Variants in PLCD1 observed in about 807,000 individuals in gnomAD.
PLCD1 encodes the protein phospholipase C delta 1, also known as 1-phosphatidylinositol 4,5-bisphosphate phosphodiesterase delta-1.
A neutral mutation model predicts 87.4 loss-of-function variants in PLCD1; 71 were observed. The ratio of observed to expected loss-of-function variants is 0.81; its 90% CI spans 0.67 to 0.99. PLCD1 has a LOEUF of 0.99. Among genes scored for constraint, PLCD1 ranks in the 50% least tolerant of loss-of-function variants. The pLI is 0.00. For synonymous variants in PLCD1, 348 were observed against 399.2 expected, an observed-to-expected ratio of 0.87 and a Z score of 1.53; for missense variants, 867 against 1,001.5, an observed-to-expected ratio of 0.87 and a Z score of 1.81.
In PLCD1 at chr3:38,024,532, C is replaced by CG. The variant is rs578095448; in HGVS notation, c.35-4181dup. ...ACACCCTCTGCTCTGGTCCGGGGGG[C>CG]GGAACTGTCGCCCTTGGAGGGGAGC... On this transcript the variant is annotated intron_variant, in intron 1 of 14. Coordinates refer to ENST00000334661, the MANE Select transcript of PLCD1 (RefSeq NM_006225.4). 13 of 1,515,106 alleles carry CG rather than the reference C, an allele frequency of 8.6e-6. No homozygotes were observed. In the South Asian group the frequency reaches 1.6e-4, roughly 18 times the overall value. The allele number at this position is 1,515,106 out of a possible 1,614,324, so 93.9% of individuals were successfully genotyped here.
chr3:38,010,466 T>C lies in PLCD1; in HGVS notation c.887A>G (p.Gln296Arg). The stretch of plus-strand genomic sequence containing the variant: ...GTGGCTAAGTGGCTGGCCCATGTCC[T>C]GGTAGACACGGCGGTGTGCCAGGCT... ...AFSLAHRRVY[Q>R]DMGQPLSHYL... Residue 296 changes from glutamine to arginine, a missense_variant, in exon 6 of 15, where the codon CAG (glutamine) becomes CGG (arginine). Physicochemically the swap from Gln to Arg is conservative, Grantham distance 43. Coordinates refer to ENST00000334661, the MANE Select transcript of PLCD1 (RefSeq NM_006225.4). The C allele has an allele frequency of 6.2e-7, 1 of 1,614,150 alleles. No individual in the cohort carries two copies. Among genetic ancestry groups the C allele is most frequent in the Non-Finnish European group, 8.5e-7 (1 of 1,179,986 alleles).
chr3:38,013,387 T>A (rs1029850979), intron 3 of PLCD1, among the ~76,000 whole-genome samples: 17 of 151,678 alleles, frequency 1.1e-4, no homozygotes, highest in African/African-American at 4.1e-4. Context: ...TAATTTTTTG[T>A]ATTTTTTAGT....
At chr3:38,008,986 C>T (rs144369730) in intron 11 of PLCD1, 56 bp downstream of exon 11, 19 of 1,431,432 alleles carry the variant, frequency 1.3e-5, no homozygotes, top group Non-Finnish European at 1.8e-5. Flanking sequence ...TCCAGGCCCC[C>T]GGCCTTGGGA....
rs1385620099 is a variant in PLCD1, at chr3:38,029,496, A to C, written c.34+10T>G. On this transcript the variant is annotated intron_variant, in intron 1 of 14. Coordinates refer to ENST00000334661, the MANE Select transcript of PLCD1 (RefSeq NM_006225.4). ...GCAGGGTCTCCCGCTCGCGCGGGCC[A>C]GGCACTCACCGTGCAGGGTCAGGAA... The C allele has an allele frequency of 1.3e-6, 2 of 1,539,044 alleles. No homozygotes were observed. The highest frequency in any genetic ancestry group is 1.7e-6 in the Non-Finnish European group (2 of 1,146,022).
rs1323118305 is a variant in PLCD1 at position 38,017,177 on chromosome 3, G to C, written c.200-458C>G. Among the ~76,000 whole-genome samples the C allele has an allele frequency of 3.3e-5, 5 of 152,096 alleles. No individual in the cohort carries two copies. Among genetic ancestry groups the C allele is most frequent in the Admixed American group, 3.3e-4 (5 of 15,278 alleles). On this transcript the variant is annotated intron_variant, in intron 2 of 14. Coordinates refer to ENST00000334661, the MANE Select transcript of PLCD1 (RefSeq NM_006225.4). This position sits in a 1 kb window ranked among gnomAD's most constrained non-coding sequence, Gnocchi z 4.7. The stretch of plus-strand genomic sequence containing the variant: ...AGAAGGGCCATGCACCCTTCTGACT[G>C]TATTGGACTTTGGGTCTGTCCTGAC...
At chr3:38,022,160 C>T (rs1700245478) in intron 1 of PLCD1, among the ~76,000 whole-genome samples, 1 of 152,232 alleles carries the variant, frequency 6.6e-6, no homozygotes, top group East Asian at 1.9e-4. Flanking sequence ...CCTTCCTCCA[C>T]CTTTCTCCCA....
Position 38,010,415 on chromosome 3 carries a change from GTGT to G in PLCD1, c.935_937del (p.Asn312del). ...GGCTAGCTGGTCCTCCAGCAGGTAGGTGTTGTGTGAAGAGGACACCAGGTAGTG... is the reference window on the plus strand; with the variant it reads ...GGCTAGCTGGTCCTCCAGCAGGTAGGTGTGTGAAGAGGACACCAGGTAGTG... On this transcript the variant is annotated inframe_deletion, in exon 6 of 15. Coordinates refer to ENST00000334661, the MANE Select transcript of PLCD1 (RefSeq NM_006225.4). 1 of 1,614,232 alleles carries G rather than the reference GTGT, an allele frequency of 6.2e-7. No individual in the cohort carries two copies. The highest frequency in any genetic ancestry group is 8.5e-7 in the Non-Finnish European group (1 of 1,180,036).
chr3:38,016,419 C>T (rs1700154770), intron 3 of PLCD1, 72 bp downstream of exon 3: 47 of 1,010,576 alleles, frequency 4.7e-5, no homozygotes, highest in Non-Finnish European at 7.1e-5. Context: ...CTTCCATACC[C>T]AAGTTGCCCT....
In PLCD1 at chr3:38,017,713, G is replaced by A. The variant is rs1013030021; in HGVS notation, c.200-994C>T. On this transcript the variant is annotated intron_variant, in intron 2 of 14. Transcript: ENST00000334661. The surrounding 1 kb of genome is among the most constrained non-coding windows in gnomAD (Gnocchi z 4.7). ...CATCCATCTGTCCTGGCTCCTAGACGGTTCTAGCTGAAGTCCACCTGTCCC... is the reference window on the plus strand; with the variant it reads ...CATCCATCTGTCCTGGCTCCTAGACAGTTCTAGCTGAAGTCCACCTGTCCC... Among the ~76,000 whole-genome samples the A allele has an allele frequency of 1.6e-4, 25 of 152,294 alleles. 1 individual carries two copies. Among genetic ancestry groups the A allele is most frequent in the Admixed American group, 9.1e-4 (14 of 15,306 alleles).
At position 38,016,529 on chromosome 3, in the gene PLCD1, G is replaced by A. The variant is rs774541108; in HGVS notation, c.390C>T (p.His130=). 5.0e-6 allele frequency: 8 copies of A among 1,613,874 alleles called. No individual in the cohort carries two copies. In the East Asian group the frequency reaches 1.8e-4, roughly 36 times the overall value. The change falls in exon 3 of 15, where the codon CAC becomes CAT. Residue 130 remains histidine (H), a synonymous_variant. Coordinates refer to ENST00000334661, the MANE Select transcript of PLCD1 (RefSeq NM_006225.4). ...GACGCTGGTCCATGGAGCCTGAGTG[G>A]TGGATGATCTTGTGCAGCCCCAGCA... ...HWVLGLHKII[H]HSGSMDQRQK...
Position 38,029,579 on chromosome 3 carries a change from C to T in PLCD1, c.-40G>A. ...GCGGCGGGAGGGGCACCGCGGGACT[C>T]ACTTGAGTAGCGACAGCACCGGCGG... On this transcript the variant is annotated 5_prime_UTR_variant, in exon 1 of 15. Transcript: ENST00000334661. The T allele has an allele frequency of 2.6e-6, 4 of 1,532,086 alleles. No homozygotes were observed. The highest frequency in any genetic ancestry group is 2.0e-5 in the Admixed American group (1 of 50,902). 94.9% of individuals were successfully genotyped at this position (1,532,086 alleles called of 1,614,324 possible). A position where few individuals can be genotyped will look rare whatever the true frequency, so the allele number is the denominator to read the frequency against.
intron 1 of PLCD1, chr3:38,024,350 A>T (rs139096941): frequency 1.2e-6 from 2 of 1,612,764 alleles, no homozygotes; most frequent in Non-Finnish European, 1.7e-6. Flanking sequence ...GCCTCCGTCC[A>T]TTGAGCGCCG....
At chr3:38,012,092 A>G (rs1382848691) in intron 3 of PLCD1, among the ~76,000 whole-genome samples, 1 of 147,144 alleles carries the variant, frequency 6.8e-6, no homozygotes, top group African/African-American at 2.6e-5. Context: ...CAGTGGCACA[A>G]TCACAGCTCA....
At chr3:38,026,511 C>G (rs1269194681) in intron 1 of PLCD1, among the ~76,000 whole-genome samples, 1 of 152,156 alleles carries the variant, frequency 6.6e-6, no homozygotes, top group East Asian at 1.9e-4. Flanking sequence ...CAGTGAGATT[C>G]TGTCTCATAA....
At chr3:38,026,482 T>A (rs1269685000) in intron 1 of PLCD1, among the ~76,000 whole-genome samples, 1 of 152,188 alleles carries the variant, frequency 6.6e-6, no homozygotes, top group Non-Finnish European at 1.5e-5. Context: ...TGGCGCAAAC[T>A]GCACTCCAGC....
chr3:38,015,348 G>T (rs1448593152), intron 3 of PLCD1, among the ~76,000 whole-genome samples: 3 of 152,208 alleles, frequency 2.0e-5, no homozygotes, highest in African/African-American at 7.2e-5. Context: ...AAGACTCCAT[G>T]ATTCCGTTTC....
chr3:38,022,128 C>T (rs1375133113), intron 1 of PLCD1, among the ~76,000 whole-genome samples: 1 of 152,210 alleles, frequency 6.6e-6, no homozygotes, highest in Non-Finnish European at 1.5e-5. Context: ...TGGGCCTCCT[C>T]AGGGGTGACA....
At chr3:38,021,046 C>G (rs926812706) in intron 1 of PLCD1, among the ~76,000 whole-genome samples, 2 of 152,182 alleles carry the variant, frequency 1.3e-5, no homozygotes, top group African/African-American at 4.8e-5. Flanking sequence ...ATGCCTGAAT[C>G]TGTGCAGGCC....
chr3:38,024,787 A>T, intron 1 of PLCD1: 1 of 1,264,660 alleles, frequency 7.9e-7, no homozygotes, highest in South Asian at 1.4e-5. Flanking sequence ...GACGAGAAGA[A>T]AATCTGGGCT....
Sources: gnomAD v4.1 joint callset for allele counts (sites outside exome capture counted in the v4.1 genomes callset) on GRCh38, gnomAD v4.1.1 for gene constraint, Gnocchi (gnomAD v3.1) non-coding constraint, MANE v1.5 for transcripts, NCBI Gene and HGNC (gene_info 2026-07-23, HGNC 2026-07-21) for gene names.